Variants in SORCS2 observed in about 807,000 individuals in gnomAD.
The protein encoded by SORCS2 is VPS10 domain-containing receptor SorCS2.
Under a neutral mutation model 141.6 loss-of-function variants are expected in SORCS2, and 100 were observed. That is an observed-to-expected ratio of 0.71 (90% CI 0.60 to 0.83). The LOEUF (loss-of-function observed/expected upper bound fraction) is 0.83. Among genes scored for constraint, SORCS2 ranks in the 40% least tolerant of loss-of-function variants. The pLI is 0.00. For synonymous variants in SORCS2, 789 were observed against 676.9 expected (o/e 1.17, Z -2.57); for missense variants, 1,646 against 1,560.2 (o/e 1.05, Z -0.93).
rs540122113 is a variant in SORCS2, at chr4:7,461,104, G to C, written c.548+64749G>C. Among the ~76,000 whole-genome samples, 15 of 152,296 alleles carry C rather than the reference G, an allele frequency of 9.8e-5. No individual in the cohort carries two copies. In the East Asian group the frequency reaches 2.1e-3, roughly 22 times the overall value. ...CTGCCACAAACATCAGAGGACATTA[G>C]AGAGGAGGCCATGTCAGGACTGAGG... On this transcript the variant is annotated intron_variant, in intron 2 of 26. Coordinates refer to ENST00000507866, the MANE Select transcript of SORCS2 (RefSeq NM_020777.3).
intron 2 of SORCS2, among the ~76,000 whole-genome samples, chr4:7,516,063 T>C (rs547490967): frequency 1.0e-3 from 154 of 152,320 alleles, no homozygotes; most frequent in African/African-American, 3.4e-3. Context: ...GTGGGCACTG[T>C]GGTGCTCATT....
At chr4:7,626,147 AAAATAAATAAATAAATAT>A (rs1267389687) in intron 3 of SORCS2, among the ~76,000 whole-genome samples, 11 of 152,044 alleles carry the variant, frequency 7.2e-5, no homozygotes, top group Admixed American at 7.2e-4. Context: ...ACCCTGTCTC[AAAATAAATAAATAAATAT>A]AAATAAATAA....
chr4:7,734,224 G>T, intron 24 of SORCS2, 48 bp from the exon 25 acceptor site: 1 of 1,412,564 alleles, frequency 7.1e-7, no homozygotes. Flanking sequence ...GATGGGACAG[G>T]GATGGGCGGT....
At chr4:7,548,111 C>T (rs1713406801) in intron 3 of SORCS2, among the ~76,000 whole-genome samples, 1 of 152,230 alleles carries the variant, frequency 6.6e-6, no homozygotes, top group Non-Finnish European at 1.5e-5. Context: ...CCTCCAGATA[C>T]TTTTCCTTGG....
chr4:7,336,299 T>C (rs1719984401), intron 1 of SORCS2, among the ~76,000 whole-genome samples: 1 of 152,210 alleles, frequency 6.6e-6, no homozygotes, highest in Non-Finnish European at 1.5e-5. Context: ...AGCTTGGGGA[T>C]GCTGCTGGCT....
intron 1 of SORCS2, among the ~76,000 whole-genome samples, chr4:7,314,885 G>A (rs1219324949): frequency 6.7e-6 from 1 of 149,254 alleles, no homozygotes; most frequent in Non-Finnish European, 1.5e-5. Flanking sequence ...AGGTTGGAGT[G>A]CAGTGGTGCA....
chr4:7,393,669 C>T, intron 1 of SORCS2, among the ~76,000 whole-genome samples: 1 of 152,072 alleles, frequency 6.6e-6, no homozygotes, highest in Non-Finnish European at 1.5e-5. Context: ...TTCGGTATCC[C>T]TGGGGCATTG....
rs1212762181 is a variant in SORCS2, at chr4:7,740,253, C to G, written c.3469C>G (p.Leu1157Val). Residue 1157 changes from leucine to valine, a missense_variant, in exon 27 of 27, where the codon CTG (leucine) becomes GTG (valine). Leu to Val is a conservative substitution (Grantham distance 32, BLOSUM62 1). Transcript: ENST00000507866. ...CAACTCCCGAGAGATGCACAGCTAC[C>G]TGGTGAGCTGATGCCACCCCAGCAT... is the stretch of plus-strand genomic sequence containing the variant. Reference protein sequence around the residue: ...SINSREMHSYLVS With the variant: ...SINSREMHSYVVS The G allele has an allele frequency of 5.0e-6, 8 of 1,609,604 alleles. No individual in the cohort carries two copies. Among genetic ancestry groups the G allele is most frequent in the Admixed American group, 3.3e-5 (2 of 59,940 alleles).
intron 8 of SORCS2, among the ~76,000 whole-genome samples, chr4:7,671,170 CA>C (rs80351440): frequency 0.32 from 48,800 of 151,840 alleles, 11,330 homozygotes; most frequent in African/African-American, 0.66. Flanking sequence ...CAACAACCAT[CA>C]AAAAATAAGA....
intron 3 of SORCS2, among the ~76,000 whole-genome samples, chr4:7,634,652 AG>A (rs964975510): frequency 2.0e-5 from 3 of 152,174 alleles, no homozygotes; most frequent in African/African-American, 7.2e-5. Context: ...ATCTTCGAGG[AG>A]GGGGGTAACT....
intron 3 of SORCS2, among the ~76,000 whole-genome samples, chr4:7,635,450 G>A (rs894872640): frequency 3.3e-5 from 5 of 152,136 alleles, no homozygotes; most frequent in Admixed American, 6.5e-5. Context: ...TCACTCTTAC[G>A]TCCCGCCAAG....
At chr4:7,220,603 G>C (rs1217919785) in intron 1 of SORCS2, among the ~76,000 whole-genome samples, 1 of 152,200 alleles carries the variant, frequency 6.6e-6, no homozygotes, top group Non-Finnish European at 1.5e-5. Flanking sequence ...GCAAGGGGCT[G>C]CTGTCTAGCT....
Position 7,569,354 on chromosome 4 carries a change from T to C in SORCS2, c.648+37725T>C, listed in dbSNP as rs966440677. On this transcript the variant is annotated intron_variant, in intron 3 of 26. Transcript: ENST00000507866. ...GGTGAAACCCCGTCTCTACTAAAGA[T>C]ACAAAAAATTAGCTGGGCATGGTGG... 4.9e-4 allele frequency among the ~76,000 whole-genome samples: 74 copies of C among 152,130 alleles called. 1 individual carries two copies. Among genetic ancestry groups the C allele is most frequent in the African/African-American group, 1.7e-3 (69 of 41,510 alleles).
At chr4:7,683,954 T>C (rs2078132) in intron 10 of SORCS2, among the ~76,000 whole-genome samples, 46,176 of 152,022 alleles carry the variant, frequency 0.3, 7,676 homozygotes, top group African/African-American at 0.44. Flanking sequence ...GGAGCCCTGG[T>C]CCTAGCTAAG....
intron 1 of SORCS2, among the ~76,000 whole-genome samples, chr4:7,359,131 A>G (rs1368498011): frequency 6.6e-6 from 1 of 152,210 alleles, no homozygotes; most frequent in Non-Finnish European, 1.5e-5. Flanking sequence ...TCCTGCCTCT[A>G]CTAAAAATAC....
chr4:7,590,523 C>T (rs144187099), intron 3 of SORCS2, among the ~76,000 whole-genome samples: 55 of 152,284 alleles, frequency 3.6e-4, no homozygotes, highest in African/African-American at 1.2e-3. Flanking sequence ...CGGGCTGGGA[C>T]GTTGGGTGTC....
At position 7,731,905 on chromosome 4, in the gene SORCS2, C is replaced by T. The variant is rs1711718625; in HGVS notation, c.3109-1417C>T. Among the ~76,000 whole-genome samples the T allele has an allele frequency of 2.6e-5, 4 of 152,284 alleles. No individual in the cohort carries two copies. The South Asian group carries it at 6.2e-4, about 24-fold the overall frequency. ...CATCAGTTTGAGCAATGCTGTTTTG[C>T]AGATGATCCCAAAAGTACATGCAAC... is the stretch of plus-strand genomic sequence containing the variant. On this transcript the variant is annotated intron_variant, in intron 23 of 26. Transcript: ENST00000507866.
chr4:7,598,177 C>G (rs1717413643), intron 3 of SORCS2, among the ~76,000 whole-genome samples: 1 of 152,068 alleles, frequency 6.6e-6, no homozygotes, highest in Non-Finnish European at 1.5e-5. Context: ...CCATGTTGGC[C>G]AGGCTGGTCT....
At chr4:7,399,592 G>A (rs1003237695) in intron 2 of SORCS2, among the ~76,000 whole-genome samples, 6 of 152,172 alleles carry the variant, frequency 3.9e-5, no homozygotes, top group African/African-American at 1.2e-4. Context: ...CCCTTGAATC[G>A]GTGCAAAAGG....
Sources: allele counts gnomAD v4.1 joint callset (sites outside exome capture counted in the v4.1 genomes callset), GRCh38; gene constraint gnomAD v4.1.1; transcripts MANE v1.5; gene names NCBI Gene and HGNC (gene_info 2026-07-23, HGNC 2026-07-21).